Variants in NAALADL2 observed in about 807,000 individuals in gnomAD.
NAALADL2 encodes N-acetylated alpha-linked acidic dipeptidase like 2, also known as inactive N-acetylated-alpha-linked acidic dipeptidase-like protein 2.
In NAALADL2, 76 loss-of-function variants were observed where a neutral mutation model predicts 87.2. The ratio of observed to expected loss-of-function variants is 0.87; its 90% CI spans 0.72 to 1.05. The LOEUF (loss-of-function observed/expected upper bound fraction) is 1.05. Ranked by LOEUF, NAALADL2 falls within the 50% of genes least tolerant of loss-of-function variation. The pLI is 0.00. For synonymous variants in NAALADL2, 354 were observed against 331.0 expected (o/e 1.07, Z -0.75); for missense variants, 1,089 against 945.8 (o/e 1.15, Z -1.99).
intron 9 of NAALADL2, among the ~76,000 whole-genome samples, chr3:175,533,593 C>T (rs1047533852): frequency 1.3e-5 from 2 of 152,178 alleles, no homozygotes; most frequent in Admixed American, 6.5e-5. Context: ...GTGTCCCCAG[C>T]TTCATCAGGG....
intron 2 of NAALADL2, among the ~76,000 whole-genome samples, chr3:174,693,339 G>C (rs1190853975): frequency 6.6e-6 from 1 of 151,886 alleles, no homozygotes; most frequent in Non-Finnish European, 1.5e-5. Context: ...GGACCATAGG[G>C]TGTTGCATCT....
intron 2 of NAALADL2, among the ~76,000 whole-genome samples, chr3:175,232,727 G>A (rs893032448): frequency 1.3e-5 from 2 of 152,126 alleles, no homozygotes; most frequent in African/African-American, 4.8e-5. Flanking sequence ...CAGGGTCCTG[G>A]AGGAAGTAAG....
At chr3:175,624,175 T>C (rs13074846) in intron 10 of NAALADL2, among the ~76,000 whole-genome samples, 2 of 152,064 alleles carry the variant, frequency 1.3e-5, no homozygotes, top group African/African-American at 2.4e-5. Flanking sequence ...ATAAACTCTG[T>C]ATAGTTACTG....
intron 12 of NAALADL2, among the ~76,000 whole-genome samples, chr3:175,752,804 A>G (rs1483636300): frequency 6.6e-6 from 1 of 152,144 alleles, no homozygotes; most frequent in African/African-American, 2.4e-5. Flanking sequence ...TCTGTAATGT[A>G]CTTTAGATCA....
intron 2 of NAALADL2, among the ~76,000 whole-genome samples, chr3:175,200,226 T>A (rs1259876166): frequency 6.6e-6 from 1 of 152,068 alleles, no homozygotes; most frequent in East Asian, 1.9e-4. Context: ...ATGCCTCTAG[T>A]GGGCCACAAC....
chr3:175,402,855 G>A (rs1181913684), intron 5 of NAALADL2, among the ~76,000 whole-genome samples: 1 of 152,120 alleles, frequency 6.6e-6, no homozygotes, highest in African/African-American at 2.4e-5. Context: ...GCACTATGCT[G>A]TAAATGATTG....
intron 1 of NAALADL2, among the ~76,000 whole-genome samples, chr3:174,529,229 GAAATCCACTGGGGC>G (rs1309405827): frequency 1.3e-5 from 2 of 152,186 alleles, no homozygotes; most frequent in Non-Finnish European, 2.9e-5. Flanking sequence ...ATGCAAGTCC[GAAATCCACTGGGGC>G]AACCAAATTT....
rs1055849194 is a variant in NAALADL2, at chr3:175,534,046, ATTAT to A, written c.1654-41986_1654-41983del. Among the ~76,000 whole-genome samples, 86 of 149,938 alleles carry A rather than the reference ATTAT, an allele frequency of 5.7e-4. 1 individual carries two copies. The highest frequency in any genetic ancestry group is 3.6e-3 in the Middle Eastern group (1 of 280). On this transcript the variant is annotated intron_variant, in intron 9 of 13. Transcript: ENST00000454872. ...GCATTTATTTATTTATTATAAATAA[ATTAT>A]TTATTTATAATAAATAAATTATTTA...
At chr3:174,992,986 G>A (rs1746944392) in intron 1 of NAALADL2, among the ~76,000 whole-genome samples, 1 of 152,090 alleles carries the variant, frequency 6.6e-6, no homozygotes, top group South Asian at 2.1e-4. Flanking sequence ...GTCTTCTGCT[G>A]TCTTTTAGTC....
chr3:175,346,804 G>A (rs1763202761), intron 5 of NAALADL2, among the ~76,000 whole-genome samples: 1 of 152,140 alleles, frequency 6.6e-6, no homozygotes, highest in African/African-American at 2.4e-5. Flanking sequence ...CAGAAACTGT[G>A]TTCCTTGTAT....
At chr3:175,605,737 G>T (rs1361854391) in intron 10 of NAALADL2, among the ~76,000 whole-genome samples, 1 of 148,942 alleles carries the variant, frequency 6.7e-6, no homozygotes, top group African/African-American at 2.5e-5. Context: ...CCTGTATTTA[G>T]ATAACATTTA....
intron 11 of NAALADL2, among the ~76,000 whole-genome samples, chr3:175,718,955 A>G (rs1309604996): frequency 6.6e-6 from 1 of 152,192 alleles, no homozygotes; most frequent in Admixed American, 6.6e-5. Context: ...TTGTACCAAA[A>G]GGCTAGCATT....
rs1263362568 is a variant in NAALADL2 at position 175,181,717 on chromosome 3, G to GTA, written c.546-52206_546-52205dup. ...TATATATATATATGTGTGTGTGTGTGTATATATATGTATATATGTGTATAT... is the reference window on the plus strand; with the variant it reads ...TATATATATATATGTGTGTGTGTGTGTATATATATATGTATATATGTGTATAT... On this transcript the variant is annotated intron_variant, in intron 2 of 13. Transcript: ENST00000454872. Among the ~76,000 whole-genome samples, 4 of 13,726 alleles carry GTA rather than the reference G, an allele frequency of 2.9e-4. 1 individual carries two copies. Among genetic ancestry groups the GTA allele is most frequent in the Non-Finnish European group, 9.1e-4 (4 of 4,390 alleles). The allele number at this position is 13,726 out of a possible 152,430, so 9.0% of individuals were successfully genotyped here. A position where few individuals can be genotyped will look rare whatever the true frequency, so the allele number is the denominator to read the frequency against.
At chr3:174,861,537 CG>C (rs1209302950) in intron 1 of NAALADL2, among the ~76,000 whole-genome samples, 1 of 152,032 alleles carries the variant, frequency 6.6e-6, no homozygotes, top group African/African-American at 2.4e-5. Context: ...CACTTACAAA[CG>C]GATGTTCTTT....
At chr3:175,559,451 C>G (rs55666665) in intron 9 of NAALADL2, among the ~76,000 whole-genome samples, 19,627 of 151,716 alleles carry the variant, frequency 0.13, 1,365 homozygotes, top group Middle Eastern at 0.17. Context: ...TGTCTGATTG[C>G]TTTAGCTAGG....
chr3:175,215,626 T>C (rs1016304896), intron 2 of NAALADL2, among the ~76,000 whole-genome samples: 1 of 152,172 alleles, frequency 6.6e-6, no homozygotes, highest in Non-Finnish European at 1.5e-5. Flanking sequence ...CTGCAAATAA[T>C]GCTTCCTAAC....
chr3:175,400,633 AAAAC>A (rs1408783317), intron 5 of NAALADL2, among the ~76,000 whole-genome samples: 1 of 152,156 alleles, frequency 6.6e-6, no homozygotes, highest in Non-Finnish European at 1.5e-5. Context: ...CCAAAACAAT[AAAAC>A]AAACCTAGGA....
At chr3:174,795,254 C>T (rs1033672924) in intron 3 of NAALADL2, among the ~76,000 whole-genome samples, 2 of 151,778 alleles carry the variant, frequency 1.3e-5, no homozygotes, top group African/African-American at 4.8e-5. Flanking sequence ...GCCTCAGCCT[C>T]CCAAAGTGCT....
At chr3:175,561,359 A>T (rs995857592) in intron 9 of NAALADL2, among the ~76,000 whole-genome samples, 1 of 152,204 alleles carries the variant, frequency 6.6e-6, no homozygotes, top group Admixed American at 6.5e-5. Context: ...CAAGGAAAAA[A>T]AGTCTGTACA....
Sources: allele counts gnomAD v4.1 joint callset (sites outside exome capture counted in the v4.1 genomes callset), GRCh38; gene constraint gnomAD v4.1.1; transcripts MANE v1.5; gene names NCBI Gene and HGNC (gene_info 2026-07-23, HGNC 2026-07-21).